Variants in RAB30 observed in about 807,000 individuals in gnomAD.
RAB30 encodes the protein RAB30, member RAS oncogene family.
A neutral mutation model predicts 25.1 loss-of-function variants in RAB30; 9 were observed. The observed-to-expected ratio is 0.36, with a 90% CI of 0.22 to 0.63. The LOEUF (loss-of-function observed/expected upper bound fraction) is 0.63, where lower values mean the gene tolerates loss of function less well. RAB30 is among the 20% of genes least tolerant of loss of function. RAB30 has a pLI of 0.69. For missense variants in RAB30, 140 were observed against 243.5 expected (o/e 0.58, Z 2.83); for synonymous variants, 77 against 86.4 (o/e 0.89, Z 0.60).
intron 4 of RAB30, among the ~76,000 whole-genome samples, chr11:82,982,707 C>G (rs1386988667): frequency 2.0e-5 from 3 of 151,886 alleles, no homozygotes; most frequent in Admixed American, 2.0e-4. Flanking sequence ...ACTAAAAATA[C>G]AAAAATTAGC....
At chr11:83,015,952 A>G (rs1304184957) in intron 1 of RAB30, among the ~76,000 whole-genome samples, 2 of 152,178 alleles carry the variant, frequency 1.3e-5, no homozygotes, top group Non-Finnish European at 2.9e-5. Flanking sequence ...AGCTTGGGCA[A>G]CATGACGAAA....
At chr11:83,010,842 T>C (rs1590850662) in intron 1 of RAB30, among the ~76,000 whole-genome samples, 1 of 152,136 alleles carries the variant, frequency 6.6e-6, no homozygotes, top group East Asian at 1.9e-4. Context: ...CTAGAAACAA[T>C]CAAAATGTCC....
intron 1 of RAB30, among the ~76,000 whole-genome samples, chr11:83,020,222 T>TG (rs1403129583): frequency 6.6e-6 from 1 of 152,210 alleles, no homozygotes; most frequent in East Asian, 1.9e-4. Context: ...CCTGTACTCT[T>TG]GGGGGTCCAG....
chr11:82,998,152 C>G (rs1218486939), intron 1 of RAB30, among the ~76,000 whole-genome samples: 1 of 152,184 alleles, frequency 6.6e-6, no homozygotes, highest in East Asian at 1.9e-4. Context: ...CTGCCTCATC[C>G]TTAAGGGATG....
rs375769526 is a variant in RAB30 at position 83,071,804 on chromosome 11, C to T, written c.-122G>A. 244 of 330,432 alleles carry T rather than the reference C, an allele frequency of 7.4e-4. 4 individuals are homozygous for T. The South Asian group carries it at 0.014, about 19-fold the overall frequency. The allele number at this position is 330,432 out of a possible 1,614,324, so 20.5% of individuals were successfully genotyped here. A position where few individuals can be genotyped will look rare whatever the true frequency, so the allele number is the denominator to read the frequency against. ...CTGAGTCCAAGGGCTGGAGTCAGTC[C>T]CTGCCCTGGTGCTGCTGCTACACTT... is the stretch of plus-strand genomic sequence containing the variant. On this transcript the variant is annotated 5_prime_UTR_variant, in exon 1 of 5. Transcript: ENST00000527633.
intron 2 of RAB30, 91 bp downstream of exon 2, chr11:82,997,132 TG>T: frequency 9.8e-7 from 1 of 1,020,808 alleles, no homozygotes. Flanking sequence ...GCATTGAAAC[TG>T]GTCATCCATC....
chr11:82,985,189 T>G (rs1590833245), intron 4 of RAB30, among the ~76,000 whole-genome samples: 1 of 152,024 alleles, frequency 6.6e-6, no homozygotes, highest in African/African-American at 2.4e-5. Flanking sequence ...GGTCTCAAAC[T>G]CCCGACCTCA....
chr11:83,032,173 A>G lies in RAB30; in HGVS notation c.-8-34849T>C, dbSNP rs1234016453. ...CTAGGACTCACTCACATCCTTGCCC[A>G]CTGACTTCCCCATTAGAGCCTTTTA... On this transcript the variant is annotated intron_variant, in intron 1 of 4. Transcript: ENST00000527633. Among the ~76,000 whole-genome samples, 4 of 152,146 alleles carry G rather than the reference A, an allele frequency of 2.6e-5. No homozygotes were observed. The East Asian group carries it at 7.7e-4, about 29-fold the overall frequency.
At chr11:82,997,406 G>A (rs546262653) in intron 1 of RAB30, 82 bp from the exon 2 acceptor site, 16 of 970,670 alleles carry the variant, frequency 1.6e-5, no homozygotes, top group South Asian at 4.1e-5. Context: ...CCTTCTCTCC[G>A]GGGGAACAGG....
rs1856646347 is a variant in RAB30, at chr11:82,981,994, C to G, written c.*171G>C. 1 of 820,486 alleles carries G rather than the reference C, an allele frequency of 1.2e-6. No homozygotes were observed. The highest frequency in any genetic ancestry group is 1.9e-6 in the Non-Finnish European group (1 of 525,424). 50.8% of individuals were successfully genotyped at this position (820,486 alleles called of 1,614,324 possible). On this transcript the variant is annotated 3_prime_UTR_variant, in exon 5 of 5. Transcript: ENST00000527633. ...AAGGGTGAAACCATTATATGTTCTG[C>G]TAATGCTGGCCTGTGGTCGAGGCCC...
chr11:83,052,819 C>G (rs1317305137), intron 1 of RAB30, among the ~76,000 whole-genome samples: 1 of 152,208 alleles, frequency 6.6e-6, no homozygotes. Flanking sequence ...CACTACAAAC[C>G]TAGCTGACCT....
At chr11:83,070,268 G>C (rs1057056992) in intron 1 of RAB30, among the ~76,000 whole-genome samples, 4 of 152,134 alleles carry the variant, frequency 2.6e-5, no homozygotes, top group Non-Finnish European at 4.4e-5. Flanking sequence ...CTGCTCATTG[G>C]CATCCCAATA....
At chr11:83,015,631 T>A (rs1368925199) in intron 1 of RAB30, among the ~76,000 whole-genome samples, 1 of 152,190 alleles carries the variant, frequency 6.6e-6, no homozygotes, top group Non-Finnish European at 1.5e-5. Context: ...TGGATGTTAT[T>A]TAAAGCCATT....
intron 3 of RAB30, among the ~76,000 whole-genome samples, chr11:82,989,756 TA>T (rs1856814097): frequency 6.6e-6 from 1 of 152,262 alleles, no homozygotes; most frequent in Middle Eastern, 3.2e-3. Flanking sequence ...TACCTTCTCA[TA>T]GGGGGCTGCC....
chr11:82,990,922 G>GT (rs1408226848), intron 3 of RAB30, among the ~76,000 whole-genome samples: 2 of 152,040 alleles, frequency 1.3e-5, no homozygotes, highest in Non-Finnish European at 2.9e-5. Context: ...CATTAATTTT[G>GT]TTTTTACTGA....
chr11:83,019,638 G>A (rs1857519694), intron 1 of RAB30, among the ~76,000 whole-genome samples: 1 of 152,038 alleles, frequency 6.6e-6, no homozygotes, highest in African/African-American at 2.4e-5. Context: ...CTCCATCTCT[G>A]AACCTTTAGA....
intron 1 of RAB30, among the ~76,000 whole-genome samples, chr11:83,036,228 A>G (rs7933239): frequency 0.54 from 80,371 of 149,714 alleles, 21,691 homozygotes; most frequent in African/African-American, 0.61. Context: ...GTGCAGTGGC[A>G]CGATCTTGGC....
intron 1 of RAB30, among the ~76,000 whole-genome samples, chr11:83,068,309 A>C (rs1793734514): frequency 6.6e-6 from 1 of 151,786 alleles, no homozygotes; most frequent in African/African-American, 2.4e-5. Context: ...AAAAAAAAAA[A>C]ACAAAAAACT....
In RAB30 at chr11:82,976,227, T is replaced by G. The variant is rs1315816563; in HGVS notation, c.*5938A>C. 6.6e-6 allele frequency: 1 copy of G among 152,234 alleles called. No individual in the cohort carries two copies. Among genetic ancestry groups the G allele is most frequent in the Non-Finnish European group, 1.5e-5 (1 of 68,026 alleles). The allele number at this position is 152,234 out of a possible 1,614,324, so 9.4% of individuals were successfully genotyped here. On this transcript the variant is annotated 3_prime_UTR_variant, in exon 5 of 5. Transcript: ENST00000527633. ...GTTTTGTCTCTTAAGGATCTACACT[T>G]GGCATCAGACCATTCAAAGTCTGCT...
Sources: gnomAD v4.1 joint callset for allele counts (sites outside exome capture counted in the v4.1 genomes callset) on GRCh38, gnomAD v4.1.1 for gene constraint, MANE v1.5 for transcripts, NCBI Gene and HGNC (gene_info 2026-07-23, HGNC 2026-07-21) for gene names.